Variants in DCC observed in about 807,000 individuals in gnomAD.
DCC encodes the protein DCC netrin 1 receptor.
In DCC, 58 loss-of-function variants were observed where a neutral mutation model predicts 172.5. That is an observed-to-expected ratio of 0.34 (90% CI 0.27 to 0.42). The LOEUF (loss-of-function observed/expected upper bound fraction) is 0.42, where lower values mean the gene tolerates loss of function less well. Among genes scored for constraint, DCC ranks in the 10% least tolerant of loss-of-function variants. DCC has a pLI of 1.00. For synonymous variants in DCC, 709 were observed against 644.5 expected, an observed-to-expected ratio of 1.10 and a Z score of -1.52; for missense variants, 1,740 against 1,791.0, an observed-to-expected ratio of 0.97 and a Z score of 0.51.
chr18:52,752,161 C>A lies in DCC; in HGVS notation c.199C>A (p.Arg67=). Residue 67 remains arginine, a synonymous_variant, in exon 2 of 29, where the codon CGA becomes AGA. Coordinates refer to ENST00000442544, the MANE Select transcript of DCC (RefSeq NM_005215.4). Reference sequence around the variant, plus strand: ...CCTCGACTGCTCCGCGGAGTCCGACCGAGGAGTTCCAGTGATCAAGTGGAA... The same window carrying A: ...CCTCGACTGCTCCGCGGAGTCCGACAGAGGAGTTCCAGTGATCAAGTGGAA... ...VLLDCSAESD[R]GVPVIKWKKD... is the part of the protein sequence containing the mutation. 6.2e-7 allele frequency: 1 copy of A among 1,614,106 alleles called. No individual in the cohort carries two copies. Among genetic ancestry groups the A allele is most frequent in the Admixed American group, 1.7e-5 (1 of 60,018 alleles).
At chr18:53,002,430 G>A (rs753225132) in intron 5 of DCC, among the ~76,000 whole-genome samples, 10 of 152,028 alleles carry the variant, frequency 6.6e-5, no homozygotes, top group Admixed American at 2.0e-4. Flanking sequence ...TCAGCTTGCC[G>A]CCTCTTGTGG....
At chr18:52,916,803 T>C (rs950473114) in intron 3 of DCC, among the ~76,000 whole-genome samples, 1 of 152,108 alleles carries the variant, frequency 6.6e-6, no homozygotes, top group African/African-American at 2.4e-5. Context: ...GAGATCAGAT[T>C]GTTTCTATGT....
rs191508929 is a variant in DCC, at chr18:53,255,060, C to T, written c.1911+39463C>T. ...AACAATGAGTCAGCTATTATGTCCA[C>T]GTCTGAAAGTGCTTTCCTGTTGACA... is the stretch of plus-strand genomic sequence containing the variant. On this transcript the variant is annotated intron_variant, in intron 12 of 28. Coordinates refer to ENST00000442544, the MANE Select transcript of DCC (RefSeq NM_005215.4). Among the ~76,000 whole-genome samples the T allele has an allele frequency of 8.7e-4, 133 of 152,064 alleles. 1 individual carries two copies. Among genetic ancestry groups the T allele is most frequent in the African/African-American group, 2.8e-3 (115 of 41,526 alleles).
In DCC at chr18:53,364,123, G is replaced by T. The variant is rs190148029; in HGVS notation, c.2360-21920G>T. On this transcript the variant is annotated intron_variant, in intron 15 of 28. Transcript: ENST00000442544. ...CACTATTGCCAATTATGGTTGAATA[G>T]AAAGAGCCGTACACTTGGAATAAAA... Among the ~76,000 whole-genome samples, 700 of 152,166 alleles carry T rather than the reference G, an allele frequency of 4.6e-3. 3 individuals are homozygous for T. Among genetic ancestry groups the T allele is most frequent in the Non-Finnish European group, 7.5e-3 (511 of 68,004 alleles).
intron 5 of DCC, among the ~76,000 whole-genome samples, chr18:52,926,431 G>A (rs965405524): frequency 6.6e-6 from 1 of 151,718 alleles, no homozygotes; most frequent in Non-Finnish European, 1.5e-5. Context: ...TTTAGAGGTA[G>A]TATTATACTA....
At chr18:52,630,257 A>G (rs2034650467) in intron 1 of DCC, among the ~76,000 whole-genome samples, 10 of 152,230 alleles carry the variant, frequency 6.6e-5, no homozygotes, top group Admixed American at 6.5e-4. Flanking sequence ...TGGGAACTCC[A>G]GGGGTTCATC....
At chr18:53,292,212 A>G (rs2057013785) in intron 12 of DCC, among the ~76,000 whole-genome samples, 1 of 147,882 alleles carries the variant, frequency 6.8e-6, no homozygotes, top group African/African-American at 2.5e-5. Flanking sequence ...TTGCTTAGTT[A>G]GCCAAGAAAG....
chr18:53,342,772 G>T, intron 15 of DCC, among the ~76,000 whole-genome samples: 1 of 122,776 alleles, frequency 8.1e-6, no homozygotes, highest in Non-Finnish European at 1.8e-5. Flanking sequence ...TATATATTTG[G>T]ATATATATAT....
At chr18:52,610,545 A>T (rs1338836425) in intron 1 of DCC, among the ~76,000 whole-genome samples, 2 of 151,884 alleles carry the variant, frequency 1.3e-5, no homozygotes, top group African/African-American at 4.8e-5. Flanking sequence ...TCAAGGATAG[A>T]CAAACTCCTT....
At chr18:52,941,730 G>A (rs2040468059) in intron 5 of DCC, among the ~76,000 whole-genome samples, 1 of 151,916 alleles carries the variant, frequency 6.6e-6, no homozygotes, top group Non-Finnish European at 1.5e-5. Flanking sequence ...ATATTTCACT[G>A]TACTACTTAC....
intron 12 of DCC, among the ~76,000 whole-genome samples, chr18:53,228,244 C>T (rs1358198992): frequency 6.7e-6 from 1 of 150,220 alleles, no homozygotes; most frequent in Non-Finnish European, 1.5e-5. Flanking sequence ...TTAAAGAAAA[C>T]GTTGTTAGTA....
intron 1 of DCC, among the ~76,000 whole-genome samples, chr18:52,351,900 G>C (rs574342749): frequency 8.9e-4 from 135 of 152,226 alleles, no homozygotes; most frequent in Non-Finnish European, 1.7e-3. Context: ...ACCGGACCTG[G>C]AACTACTGTA....
At chr18:52,817,245 G>A (rs951255013) in intron 2 of DCC, among the ~76,000 whole-genome samples, 1 of 151,980 alleles carries the variant, frequency 6.6e-6, no homozygotes, top group African/African-American at 2.4e-5. Flanking sequence ...CACTTTTTGT[G>A]TAATATTTCT....
intron 21 of DCC, among the ~76,000 whole-genome samples, chr18:53,418,627 C>G (rs1910456216): frequency 6.6e-6 from 1 of 152,030 alleles, no homozygotes; most frequent in South Asian, 2.1e-4. Flanking sequence ...AATAAAGAAG[C>G]AAGAGGTTGA....
At chr18:52,799,127 A>G (rs192491109) in intron 2 of DCC, among the ~76,000 whole-genome samples, 74 of 152,350 alleles carry the variant, frequency 4.9e-4, no homozygotes, top group African/African-American at 1.7e-3. Flanking sequence ...GATGCTTAAT[A>G]CATATAGACA....
chr18:53,249,571 T>G (rs2056404107), intron 12 of DCC, among the ~76,000 whole-genome samples: 2 of 151,950 alleles, frequency 1.3e-5, no homozygotes, highest in South Asian at 4.1e-4. Context: ...TAGAATTAAT[T>G]ACTCATTTGT....
chr18:53,268,836 G>C (rs1244393326), intron 12 of DCC, among the ~76,000 whole-genome samples: 2 of 152,190 alleles, frequency 1.3e-5, no homozygotes, highest in African/African-American at 2.4e-5. Context: ...GACTGGGCTT[G>C]GCCTGCAGTG....
At chr18:52,394,202 T>A (rs558480723) in intron 1 of DCC, among the ~76,000 whole-genome samples, 29 of 152,214 alleles carry the variant, frequency 1.9e-4, no homozygotes, top group Middle Eastern at 3.4e-3. Flanking sequence ...TATTGCTGTG[T>A]TGAATGACAC....
intron 5 of DCC, among the ~76,000 whole-genome samples, chr18:53,036,324 C>G (rs1170314208): frequency 6.6e-6 from 1 of 151,964 alleles, no homozygotes; most frequent in African/African-American, 2.4e-5. Flanking sequence ...GAGTATCTTG[C>G]AAAATTTGCA....
Sources: allele counts gnomAD v4.1 joint callset (sites outside exome capture counted in the v4.1 genomes callset), GRCh38; gene constraint gnomAD v4.1.1; transcripts MANE v1.5; gene names NCBI Gene and HGNC (gene_info 2026-07-23, HGNC 2026-07-21).